The following TMEM132B variants were observed in gnomAD, a reference collection of about 807,000 sequenced individuals.
TMEM132B encodes the protein transmembrane protein 132B.
TMEM132B carries 18 observed loss-of-function variants against 90.8 expected under a neutral mutation model. The ratio of observed to expected loss-of-function variants is 0.20; its 90% CI spans 0.14 to 0.29. The LOEUF (loss-of-function observed/expected upper bound fraction) is 0.29, where lower values mean the gene tolerates loss of function less well. Ranked by LOEUF, TMEM132B falls within the 10% of genes least tolerant of loss-of-function variation. TMEM132B has a pLI of 1.00. For missense variants in TMEM132B, 1,096 were observed against 1,326.8 expected (o/e 0.83, Z 2.70); for synonymous variants, 504 against 523.3 (o/e 0.96, Z 0.50).
chr12:125,202,123 G>T (rs961557834), intron 1 of TMEM132B, among the ~76,000 whole-genome samples: 11 of 152,192 alleles, frequency 7.2e-5, no homozygotes, highest in African/African-American at 2.7e-4. Context: ...CAGGCCTCAG[G>T]GATTGGATCA....
Position 125,255,994 on chromosome 12 carries a change from C to CT in TMEM132B, c.67+69137dup, listed in dbSNP as rs796562422. Among the ~76,000 whole-genome samples the CT allele has an allele frequency of 3.7e-3, 556 of 151,260 alleles. 3 individuals carry two copies. The highest frequency in any genetic ancestry group is 0.024 in the Middle Eastern group (7 of 294). Reference sequence around the variant, plus strand: ...TTAAGTCATCTGGTTTTGTGTGTCGCTTTTTTTTTAATTTTAAAAAGAAAA... The same window carrying CT: ...TTAAGTCATCTGGTTTTGTGTGTCGCTTTTTTTTTTAATTTTAAAAAGAAAA... On this transcript the variant is annotated intron_variant, in intron 1 of 8. Transcript: ENST00000682704.
At chr12:125,402,248 G>A (rs1182703048) in intron 2 of TMEM132B, among the ~76,000 whole-genome samples, 1 of 152,152 alleles carries the variant, frequency 6.6e-6, no homozygotes, top group African/African-American at 2.4e-5. Context: ...GGAGTGCAGT[G>A]GCGTGATCTT....
chr12:125,263,093 A>G (rs1874604801), intron 1 of TMEM132B, among the ~76,000 whole-genome samples: 2 of 152,148 alleles, frequency 1.3e-5, no homozygotes, highest in South Asian at 2.1e-4. Flanking sequence ...CAAGTAATCA[A>G]CTGAGTTTGC....
intron 4 of TMEM132B, among the ~76,000 whole-genome samples, chr12:125,569,948 C>T (rs1884750678): frequency 6.6e-6 from 1 of 151,954 alleles, no homozygotes; most frequent in South Asian, 2.1e-4. Flanking sequence ...TCCATGGTGA[C>T]TTGAAGTGGG....
Position 125,519,497 on chromosome 12 carries a change from G to A in TMEM132B, c.1165G>A (p.Asp389Asn). Residue 389 changes from aspartate to asparagine, a missense_variant, in exon 4 of 9, where the codon GAC (aspartate) becomes AAC (asparagine). Transcript: ENST00000682704. ...GGACTTTGGAATTGATAATAGCAGT[G>A]ACCTGGCTGGGGCCCAGCAGATTAC... Reference protein sequence around the residue: ...QVDFGIDNSSDLAGAQQITWQ... With the variant: ...QVDFGIDNSSNLAGAQQITWQ... 1 of 1,614,124 alleles carries A rather than the reference G, an allele frequency of 6.2e-7. No homozygotes were observed. The highest frequency in any genetic ancestry group is 8.5e-7 in the Non-Finnish European group (1 of 1,180,016).
At chr12:125,362,520 AG>A (rs1877991539) in intron 2 of TMEM132B, among the ~76,000 whole-genome samples, 1 of 152,200 alleles carries the variant, frequency 6.6e-6, no homozygotes, top group Non-Finnish European at 1.5e-5. Flanking sequence ...ACAGTACAGT[AG>A]TGTTAACTAC....
chr12:125,426,720 G>A (rs147664238), intron 3 of TMEM132B, among the ~76,000 whole-genome samples: 1,702 of 152,292 alleles, frequency 0.011, 30 homozygotes, highest in African/African-American at 0.037. Flanking sequence ...AACAGCTTTC[G>A]TCACGACCTA....
intron 2 of TMEM132B, among the ~76,000 whole-genome samples, chr12:125,379,854 C>T (rs1227538576): frequency 6.6e-6 from 1 of 152,154 alleles, no homozygotes; most frequent in Non-Finnish European, 1.5e-5. Context: ...CAAGTGCTGC[C>T]ACTACAGGTA....
chr12:125,238,366 C>CAAAAAAAAAAAAAAAAAAAAAAA (rs762032967), intron 1 of TMEM132B, among the ~76,000 whole-genome samples: 1 of 111,582 alleles, frequency 9.0e-6, no homozygotes, highest in Non-Finnish European at 1.8e-5. Context: ...AAAAAAAAAC[C>CAAAAAAAAAAAAAAAAAAAAAAA]AAAAAAAAAA....
intron 1 of TMEM132B, among the ~76,000 whole-genome samples, chr12:125,270,149 T>TGTGTG (rs1555235073): frequency 2.7e-5 from 4 of 150,298 alleles, no homozygotes; most frequent in Non-Finnish European, 4.4e-5. Flanking sequence ...TGTGTGTGTG[T>TGTGTG]TTTAAGAGAC....
In TMEM132B at chr12:125,661,337, T is replaced by G. The variant is rs1336599104; in HGVS notation, c.*6627T>G. 1 of 152,256 alleles carries G rather than the reference T, an allele frequency of 6.6e-6. No homozygotes were observed. Among genetic ancestry groups the G allele is most frequent in the East Asian group, 1.9e-4 (1 of 5,196 alleles). The allele number at this position is 152,256 out of a possible 1,614,324, so 9.4% of individuals were successfully genotyped here. A position where few individuals can be genotyped will look rare whatever the true frequency, so the allele number is the denominator to read the frequency against. On this transcript the variant is annotated 3_prime_UTR_variant, in exon 9 of 9. Coordinates refer to ENST00000682704, the MANE Select transcript of TMEM132B (RefSeq NM_001366854.1). ...TTCCATTTCCATGAATATTACAGGC[T>G]GAGAAGGAGCACACATCTGGCACTG...
intron 1 of TMEM132B, among the ~76,000 whole-genome samples, chr12:125,267,813 A>AT (rs11386881): frequency 0.059 from 8,910 of 151,954 alleles, 303 homozygotes; most frequent in Admixed American, 0.084. Flanking sequence ...AGAAATCTAG[A>AT]TTTTTTTTTA....
Position 125,650,841 on chromosome 12 carries a change from T to C in TMEM132B, c.1802T>C (p.Phe601Ser). Reference sequence around the variant, plus strand: ...TACATGCTGGGCCCCGACTGGCAGTTTGACATCACTGACCTTGTGACCGAG... The same window carrying C: ...TACATGCTGGGCCCCGACTGGCAGTCTGACATCACTGACCTTGTGACCGAG... ...LTYMLGPDWQ[F>S]DITDLVTEFM... is the part of the protein sequence containing the mutation. The change falls in exon 7 of 9, where the codon TTT becomes TCT. Residue 601 changes from phenylalanine to serine, a missense_variant. Transcript: ENST00000682704. 1.2e-6 allele frequency: 2 copies of C among 1,614,190 alleles called. No individual in the cohort carries two copies. The highest frequency in any genetic ancestry group is 1.7e-6 in the Non-Finnish European group (2 of 1,180,036).
At chr12:125,300,647 T>C (rs779884657) in intron 1 of TMEM132B, among the ~76,000 whole-genome samples, 3 of 152,210 alleles carry the variant, frequency 2.0e-5, no homozygotes, top group Non-Finnish European at 4.4e-5. Context: ...GTGACTTGAC[T>C]CATTTAATCC....
chr12:125,617,952 A>G (rs1038391669), intron 5 of TMEM132B, among the ~76,000 whole-genome samples: 2 of 98,758 alleles, frequency 2.0e-5, no homozygotes, highest in African/African-American at 1.3e-4. Context: ...ATTGCTTACT[A>G]CAAAAAAAAA....
In TMEM132B at chr12:125,618,471, CATCTTT is replaced by C. The variant is rs1169201288; in HGVS notation, c.1438-25604_1438-25599del. On this transcript the variant is annotated intron_variant, in intron 5 of 8. Transcript: ENST00000682704. ...TGGCGTATGGGGGTGGTAAGAGCCC[CATCTTT>C]GACCACATCTGTCTGAAATAGAGAT... Among the ~76,000 whole-genome samples the C allele has an allele frequency of 3.3e-5, 5 of 152,154 alleles. No individual in the cohort carries two copies. The East Asian group carries it at 9.6e-4, about 29-fold the overall frequency.
At chr12:125,221,996 G>A (rs559166976) in intron 1 of TMEM132B, among the ~76,000 whole-genome samples, 1 of 152,296 alleles carries the variant, frequency 6.6e-6, no homozygotes, top group East Asian at 1.9e-4. Context: ...AGAAATAGAG[G>A]GCTGCTGCAG....
chr12:125,381,280 G>A (rs1878672413), intron 2 of TMEM132B, among the ~76,000 whole-genome samples: 1 of 152,196 alleles, frequency 6.6e-6, no homozygotes, highest in South Asian at 2.1e-4. Context: ...TAGACACAAA[G>A]CAGACTCCTG....
rs530619047 is a variant in TMEM132B at position 125,661,173 on chromosome 12, A to G, written c.*6463A>G. ...TTTGACTTTCTGAATGAAATAACAGAATGCCAGTGTCAACACTGACCATAT... is the reference window on the plus strand; with the variant it reads ...TTTGACTTTCTGAATGAAATAACAGGATGCCAGTGTCAACACTGACCATAT... On this transcript the variant is annotated 3_prime_UTR_variant, in exon 9 of 9. Coordinates refer to ENST00000682704, the MANE Select transcript of TMEM132B (RefSeq NM_001366854.1). The G allele has an allele frequency of 2.9e-4, 44 of 152,336 alleles. 3 individuals carry two copies. Among genetic ancestry groups the G allele is most frequent in the East Asian group, 1.9e-3 (10 of 5,188 alleles). The allele number at this position is 152,336 out of a possible 1,614,324, so 9.4% of individuals were successfully genotyped here. A position where few individuals can be genotyped will look rare whatever the true frequency, so the allele number is the denominator to read the frequency against.
Sources: allele counts gnomAD v4.1 joint callset (sites outside exome capture counted in the v4.1 genomes callset), GRCh38; gene constraint gnomAD v4.1.1; transcripts MANE v1.5; gene names NCBI Gene and HGNC (gene_info 2026-07-23, HGNC 2026-07-21).